TMEM135: variants seen among roughly 807,000 people sequenced by gnomAD.
TMEM135 encodes the protein transmembrane protein 135.
Under a neutral mutation model 60.3 loss-of-function variants are expected in TMEM135, and 30 were observed. The observed-to-expected ratio is 0.50, with a 90% CI of 0.37 to 0.68. The LOEUF is 0.68. Ranked by LOEUF, TMEM135 falls within the 30% of genes least tolerant of loss-of-function variation. TMEM135 has a pLI of 0.00. For missense variants in TMEM135, 468 were observed against 548.8 expected, an observed-to-expected ratio of 0.85 and a Z score of 1.47; for synonymous variants, 190 against 186.7, an observed-to-expected ratio of 1.02 and a Z score of -0.14.
chr11:87,155,233 A>C (rs1469265383), intron 4 of TMEM135, among the ~76,000 whole-genome samples: 1 of 152,156 alleles, frequency 6.6e-6, no homozygotes, highest in East Asian at 1.9e-4. Flanking sequence ...TCCTGAACTC[A>C]GGTTATCCAC....
At position 87,133,491 on chromosome 11, in the gene TMEM135, A is replaced by G. The variant is rs141369246; in HGVS notation, c.397-23850A>G. Among the ~76,000 whole-genome samples, 440 of 152,316 alleles carry G rather than the reference A, an allele frequency of 2.9e-3. 2 individuals are homozygous for G. The highest frequency in any genetic ancestry group is 0.01 in the African/African-American group (416 of 41,562). ...ATAAATGGAATCATAGACCATGTCA[A>G]CTTTTTCTGAAGTTACTTACTCTTG... On this transcript the variant is annotated intron_variant, in intron 4 of 14. Coordinates refer to ENST00000305494, the MANE Select transcript of TMEM135 (RefSeq NM_022918.4).
intron 4 of TMEM135, among the ~76,000 whole-genome samples, chr11:87,093,336 C>T (rs1178183311): frequency 3.3e-5 from 5 of 152,110 alleles, no homozygotes; most frequent in African/African-American, 9.7e-5. Flanking sequence ...CCTCACCCTC[C>T]CAAGTAGCTG....
rs188512938 is a variant in TMEM135 at position 87,324,481 on chromosome 11, G to A, written c.*3148G>A. ...CTGTTGCCCGGGTTGGAGTACAGTG[G>A]TGCAATCATAGCTCATTGAAACCTC... is the stretch of plus-strand genomic sequence containing the variant. On this transcript the variant is annotated 3_prime_UTR_variant, in exon 15 of 15. Transcript: ENST00000305494. 1.1e-4 allele frequency: 49 copies of A among 453,888 alleles called. No individual in the cohort carries two copies. The highest frequency in any genetic ancestry group is 8.4e-4 in the African/African-American group (42 of 50,068). 28.1% of individuals were successfully genotyped at this position (453,888 alleles called of 1,614,324 possible).
At chr11:87,274,050 G>A (rs904811525) in intron 6 of TMEM135, among the ~76,000 whole-genome samples, 7 of 152,112 alleles carry the variant, frequency 4.6e-5, no homozygotes, top group Non-Finnish European at 1.0e-4. Context: ...AATATATTTT[G>A]CACTGTTTCG....
chr11:87,257,109 A>G (rs1941541803), intron 6 of TMEM135, among the ~76,000 whole-genome samples: 1 of 152,162 alleles, frequency 6.6e-6, no homozygotes, highest in African/African-American at 2.4e-5. Flanking sequence ...GTGTGACTAA[A>G]CATCCAAACA....
intron 6 of TMEM135, among the ~76,000 whole-genome samples, chr11:87,248,375 C>G (rs1037005082): frequency 6.6e-6 from 1 of 152,132 alleles, no homozygotes; most frequent in Non-Finnish European, 1.5e-5. Flanking sequence ...TATTGCTTGT[C>G]TTTTGGATAA....
intron 5 of TMEM135, among the ~76,000 whole-genome samples, chr11:87,203,514 A>C (rs1940167595): frequency 6.6e-6 from 1 of 152,060 alleles, no homozygotes; most frequent in South Asian, 2.1e-4. Flanking sequence ...AGCTTCCTCC[A>C]TGTCTTTTCA....
Position 87,265,889 on chromosome 11 carries a change from A to G in TMEM135, c.509+29205A>G, listed in dbSNP as rs75738904. Among the ~76,000 whole-genome samples, 586 of 152,210 alleles carry G rather than the reference A, an allele frequency of 3.8e-3. 4 individuals carry two copies. The highest frequency in any genetic ancestry group is 0.013 in the African/African-American group (545 of 41,562). ...CCTAGTTTTCTCATTGTTCCTTGAGATTCTGAGAAAGTAATTTAAGATCTC... is the reference window on the plus strand; with the variant it reads ...CCTAGTTTTCTCATTGTTCCTTGAGGTTCTGAGAAAGTAATTTAAGATCTC... On this transcript the variant is annotated intron_variant, in intron 6 of 14. Coordinates refer to ENST00000305494, the MANE Select transcript of TMEM135 (RefSeq NM_022918.4).
chr11:87,131,017 C>CTTTATTTATTTA (rs145719148), intron 4 of TMEM135, among the ~76,000 whole-genome samples: 3 of 149,914 alleles, frequency 2.0e-5, no homozygotes, highest in African/African-American at 7.4e-5. Flanking sequence ...ACAAATTAGG[C>CTTTATTTATTTA]TTTATTTATT....
Position 87,319,052 on chromosome 11 carries a change from A to G in TMEM135, c.1177-258A>G, listed in dbSNP as rs141706347. ...CCTGGCTAATTTTTGTATTTTCAGT[A>G]GAGACGGGTTTTCTCCATGTTGGTT... is the stretch of plus-strand genomic sequence containing the variant. On this transcript the variant is annotated intron_variant, in intron 13 of 14. Transcript: ENST00000305494. 57 of 390,134 alleles carry G rather than the reference A, an allele frequency of 1.5e-4. No homozygotes were observed. In the East Asian group the frequency reaches 2.2e-3, roughly 15 times the overall value. 24.2% of individuals were successfully genotyped at this position (390,134 alleles called of 1,614,324 possible). A position where few individuals can be genotyped will look rare whatever the true frequency, so the allele number is the denominator to read the frequency against.
intron 6 of TMEM135, among the ~76,000 whole-genome samples, chr11:87,241,862 A>G (rs2135379744): frequency 6.6e-6 from 1 of 151,456 alleles, no homozygotes; most frequent in Non-Finnish European, 1.5e-5. Context: ...AAAAAAATTT[A>G]TTATTATTAC....
chr11:87,325,241 C>T lies in TMEM135; in HGVS notation c.*3908C>T, dbSNP rs1488615115. ...AGCCCTGTAGTTGCAAAAAGGGTAA[C>T]TACAAAGAAATGAAACTGACTCTAG... On this transcript the variant is annotated 3_prime_UTR_variant, in exon 15 of 15. Coordinates refer to ENST00000305494, the MANE Select transcript of TMEM135 (RefSeq NM_022918.4). The T allele has an allele frequency of 2.2e-6, 1 of 453,924 alleles. No homozygotes were observed. Among genetic ancestry groups the T allele is most frequent in the East Asian group, 7.0e-5 (1 of 14,364 alleles). The allele number at this position is 453,924 out of a possible 1,614,324, so 28.1% of individuals were successfully genotyped here.
intron 12 of TMEM135, among the ~76,000 whole-genome samples, 153 bp from the exon 13 acceptor site, chr11:87,317,984 C>T (rs1942760402): frequency 6.6e-6 from 1 of 152,068 alleles, no homozygotes; most frequent in Admixed American, 6.6e-5. Flanking sequence ...GAAGGGCTGA[C>T]CCTTAACATC....
At chr11:87,285,213 T>C (rs1368007956) in intron 6 of TMEM135, among the ~76,000 whole-genome samples, 3 of 152,214 alleles carry the variant, frequency 2.0e-5, no homozygotes, top group African/African-American at 7.2e-5. Flanking sequence ...GTAAGCTCTA[T>C]ACTTGAAAAT....
At chr11:87,290,629 TATC>T (rs1942246802) in intron 6 of TMEM135, among the ~76,000 whole-genome samples, 1 of 152,162 alleles carries the variant, frequency 6.6e-6, no homozygotes, top group Admixed American at 6.5e-5. Context: ...CCAAGAGTAT[TATC>T]CTGATAATGA....
chr11:87,050,581 C>G (rs1230042308), intron 1 of TMEM135, among the ~76,000 whole-genome samples: 1 of 39,572 alleles, frequency 2.5e-5, no homozygotes, highest in African/African-American at 2.1e-4. Context: ...TGGATACATT[C>G]CTCCACACAT....
chr11:87,258,878 C>G (rs1164597656), intron 6 of TMEM135: 1 of 902,084 alleles, frequency 1.1e-6, no homozygotes, highest in Non-Finnish European at 1.8e-6. Context: ...GAAGGAAGAG[C>G]CCCTTGCATT....
intron 4 of TMEM135, among the ~76,000 whole-genome samples, chr11:87,134,752 C>T (rs752174207): frequency 3.3e-5 from 5 of 152,200 alleles, no homozygotes; most frequent in Non-Finnish European, 7.3e-5. Context: ...TTTTGAGTAG[C>T]TGGGACTACA....
chr11:87,088,699 T>C (rs543428498), intron 3 of TMEM135, among the ~76,000 whole-genome samples: 2 of 152,348 alleles, frequency 1.3e-5, no homozygotes, highest in African/African-American at 2.4e-5. Flanking sequence ...TTTATTCCAA[T>C]GTCACAATCT....
Sources: gnomAD v4.1 joint callset for allele counts (sites outside exome capture counted in the v4.1 genomes callset) on GRCh38, gnomAD v4.1.1 for gene constraint, MANE v1.5 for transcripts, NCBI Gene and HGNC (gene_info 2026-07-23, HGNC 2026-07-21) for gene names.